The following HDAC4 variants were observed in gnomAD, a reference collection of about 807,000 sequenced individuals.
The protein encoded by HDAC4 is histone deacetylase 4, also known as histone deacetylase A.
Under a neutral mutation model 135.1 loss-of-function variants are expected in HDAC4, and 16 were observed. That is an observed-to-expected ratio of 0.12 (90% CI 0.08 to 0.18). HDAC4 has a LOEUF of 0.18. Among genes scored for constraint, HDAC4 ranks in the 10% least tolerant of loss-of-function variants. The pLI, the probability that HDAC4 is intolerant of heterozygous loss-of-function variation, is 1.00. For synonymous variants in HDAC4, 685 were observed against 653.4 expected (o/e 1.05, Z -0.74); for missense variants, 1,143 against 1,511.8 (o/e 0.76, Z 4.05).
At chr2:239,066,148 G>C (rs771878663) in intron 24 of HDAC4, among the ~76,000 whole-genome samples, 2 of 152,124 alleles carry the variant, frequency 1.3e-5, no homozygotes. Context: ...CCGAGCCCGT[G>C]GAACATTCTT....
At chr2:239,105,300 C>T (rs778833035) in intron 15 of HDAC4, among the ~76,000 whole-genome samples, 5 of 152,226 alleles carry the variant, frequency 3.3e-5, no homozygotes, top group Admixed American at 6.5e-5. Flanking sequence ...TCCTGGACAC[C>T]GTGCCTGGAG....
chr2:239,127,504 G>C (rs2040275485), intron 11 of HDAC4, among the ~76,000 whole-genome samples: 1 of 152,146 alleles, frequency 6.6e-6, no homozygotes, highest in Admixed American at 6.6e-5. Flanking sequence ...CCATGGTTTT[G>C]TGGGCAAAAG....
intron 3 of HDAC4, among the ~76,000 whole-genome samples, chr2:239,195,191 C>T (rs551371238): frequency 3.6e-4 from 55 of 152,310 alleles, no homozygotes; most frequent in African/African-American, 1.2e-3. Flanking sequence ...AAGGGATGTT[C>T]ACACTGCCTT....
intron 1 of HDAC4, among the ~76,000 whole-genome samples, chr2:239,366,101 G>A (rs376267244): frequency 1.8e-3 from 267 of 147,882 alleles, no homozygotes; most frequent in African/African-American, 6.4e-3. Context: ...GAGCAGGGTC[G>A]TCAGGGTCAC....
chr2:239,325,323 T>C (rs1192216193), intron 2 of HDAC4, among the ~76,000 whole-genome samples: 3 of 152,088 alleles, frequency 2.0e-5, no homozygotes, highest in African/African-American at 7.2e-5. Context: ...AAGGAGATAT[T>C]TGCAGATTAT....
At chr2:239,209,936 C>T (rs534618390) in intron 3 of HDAC4, among the ~76,000 whole-genome samples, 25 of 152,214 alleles carry the variant, frequency 1.6e-4, no homozygotes, top group African/African-American at 6.0e-4. Context: ...CCCCTGGAGA[C>T]CCCACTTTAC....
At chr2:239,187,465 G>A (rs1195324734) in intron 4 of HDAC4, among the ~76,000 whole-genome samples, 2 of 152,242 alleles carry the variant, frequency 1.3e-5, no homozygotes, top group African/African-American at 4.8e-5. Flanking sequence ...GTGAGCTGAA[G>A]CCCTGGGCAG....
chr2:239,311,810 C>T (rs188109278), intron 2 of HDAC4, among the ~76,000 whole-genome samples: 158 of 152,300 alleles, frequency 1.0e-3, no homozygotes, highest in African/African-American at 3.6e-3. Flanking sequence ...TGCTTCCTCA[C>T]GGTGACATGG....
rs1050967071 is a variant in HDAC4 at position 239,309,506 on chromosome 2, C to G, written c.22+43172G>C. Among the ~76,000 whole-genome samples the G allele has an allele frequency of 6.6e-6, 1 of 152,248 alleles. No homozygotes were observed. Among genetic ancestry groups the G allele is most frequent in the Non-Finnish European group, 1.5e-5 (1 of 68,054 alleles). On this transcript the variant is annotated intron_variant, in intron 2 of 26. Transcript: ENST00000543185. The surrounding 1 kb of genome is among the most constrained non-coding windows in gnomAD (Gnocchi z 4.2). ...ACTCAGCTCCACTCCTGCTTCCTTC[C>G]TCTCACTCCACATCCGAGTTAGAGG...
rs772767638 is a variant in HDAC4, at chr2:239,134,558, G to A, written c.1064C>T (p.Thr355Met). 9.3e-6 allele frequency: 15 copies of A among 1,614,092 alleles called. No individual in the cohort carries two copies. The highest frequency in any genetic ancestry group is 1.2e-5 in the Non-Finnish European group (14 of 1,179,970). Reference sequence around the variant, plus strand: ...GGGGCCGGTGGCAGGCAGGCCCAGCGTGATGTTGGGCAAGGATGGCGATGT... The same window carrying A: ...GGGGCCGGTGGCAGGCAGGCCCAGCATGATGTTGGGCAAGGATGGCGATGT... ...LYTSPSLPNI[T>M]LGLPATGPSA... The change falls in exon 10 of 27, where the codon ACG becomes ATG. Residue 355 changes from threonine (T) to methionine (M), a missense_variant. By Grantham distance (81) the Thr-to-Met change is moderately conservative. Coordinates refer to ENST00000543185, the MANE Select transcript of HDAC4 (RefSeq NM_001378414.1).
At chr2:239,372,979 A>T (rs999119313) in intron 1 of HDAC4, among the ~76,000 whole-genome samples, 1 of 152,166 alleles carries the variant, frequency 6.6e-6, no homozygotes, top group Non-Finnish European at 1.5e-5. Flanking sequence ...GCCAACATTT[A>T]GCCAAGCATT....
intron 1 of HDAC4, among the ~76,000 whole-genome samples, chr2:239,370,374 T>C (rs939438880): frequency 6.6e-6 from 1 of 152,154 alleles, no homozygotes; most frequent in African/African-American, 2.4e-5. Flanking sequence ...GGTATGGTTC[T>C]CGCAGGCAGG....
chr2:239,348,676 C>T (rs1692897392), intron 2 of HDAC4, among the ~76,000 whole-genome samples: 1 of 152,246 alleles, frequency 6.6e-6, no homozygotes, highest in African/African-American at 2.4e-5. Context: ...CGCATCCTGC[C>T]CTGCCACAGC....
chr2:239,334,106 T>A lies in HDAC4; in HGVS notation c.22+18572A>T, dbSNP rs577653827. Among the ~76,000 whole-genome samples the A allele has an allele frequency of 5.3e-5, 8 of 152,280 alleles. 1 individual carries two copies. The South Asian group carries it at 1.7e-3, about 32-fold the overall frequency. On this transcript the variant is annotated intron_variant, in intron 2 of 26. Transcript: ENST00000543185. Reference sequence around the variant, plus strand: ...AGATAATGAGTATAATAATAAACACTGTGCGAGGTATCTGGAGACACGACA... The same window carrying A: ...AGATAATGAGTATAATAATAAACACAGTGCGAGGTATCTGGAGACACGACA...
chr2:239,295,552 G>T (rs1348044902), intron 2 of HDAC4, among the ~76,000 whole-genome samples: 1 of 152,016 alleles, frequency 6.6e-6, no homozygotes, highest in Non-Finnish European at 1.5e-5. Context: ...GAGCAAACAG[G>T]TCCTCCCTTA....
At chr2:239,376,642 G>C (rs1470541450) in intron 1 of HDAC4, among the ~76,000 whole-genome samples, 1 of 152,254 alleles carries the variant, frequency 6.6e-6, no homozygotes, top group Non-Finnish European at 1.5e-5. Flanking sequence ...ACGCCATCCA[G>C]CCACAGATTG....
rs755538495 is a variant in HDAC4, at chr2:239,374,386, C to CTTTTTTTTTT, written c.-219-21478_-219-21469dup. Among the ~76,000 whole-genome samples, 25 of 56,706 alleles carry CTTTTTTTTTT rather than the reference C, an allele frequency of 4.4e-4. 2 individuals carry two copies. The highest frequency in any genetic ancestry group is 8.9e-4 in the South Asian group (1 of 1,122). 37.2% of individuals were successfully genotyped at this position (56,706 alleles called of 152,430 possible). On this transcript the variant is annotated intron_variant, in intron 1 of 26. Transcript: ENST00000543185. ...CACCCCAGATGAATAGAAAACAAGG[C>CTTTTTTTTTT]TTTTTTTTTTTTTTTTTTTTTTTTT... is the stretch of plus-strand genomic sequence containing the variant.
intron 20 of HDAC4, among the ~76,000 whole-genome samples, 196 bp from the exon 21 acceptor site, chr2:239,082,417 G>T (rs551805656): frequency 4.6e-5 from 7 of 152,224 alleles, no homozygotes; most frequent in Non-Finnish European, 7.3e-5. Flanking sequence ...GTGCAGGGTC[G>T]CAGGGGTTCT....
intron 1 of HDAC4, among the ~76,000 whole-genome samples, chr2:239,388,663 C>CACCT (rs1695992423): frequency 1.3e-5 from 2 of 152,178 alleles, no homozygotes; most frequent in Non-Finnish European, 2.9e-5. Flanking sequence ...GGTTGGAGCC[C>CACCT]CCACCCCGCC....
Sources: allele counts gnomAD v4.1 joint callset (sites outside exome capture counted in the v4.1 genomes callset), GRCh38; gene constraint gnomAD v4.1.1; non-coding constraint Gnocchi (gnomAD v3.1); transcripts MANE v1.5; gene names NCBI Gene and HGNC (gene_info 2026-07-23, HGNC 2026-07-21).